The following ESPN variants were observed in gnomAD, a reference collection of about 807,000 sequenced individuals.
ESPN encodes the protein espin, also known as autosomal recessive deafness type 36 protein.
ESPN carries 68 observed loss-of-function variants against 77.7 expected under a neutral mutation model. The ratio of observed to expected loss-of-function variants is 0.87; its 90% CI spans 0.72 to 1.07. ESPN has a LOEUF of 1.07. Ranked by LOEUF, ESPN falls within the 50% of genes least tolerant of loss-of-function variation. ESPN has a pLI of 0.00. For synonymous variants in ESPN, 449 were observed against 567.1 expected, an observed-to-expected ratio of 0.79 and a Z score of 2.96; for missense variants, 1,060 against 1,239.0, an observed-to-expected ratio of 0.86 and a Z score of 2.17.
chr1:6,455,406 G>C (rs1424334009), intron 10 of ESPN: 1 of 391,104 alleles, frequency 2.6e-6, no homozygotes, highest in Admixed American at 4.5e-5. Context: ...GGGGCTGGAG[G>C]CCACGGACGC....
downstream of ESPN, chr1:6,461,188 C>T (rs1644160136): frequency 1.4e-6 from 1 of 711,406 alleles, no homozygotes; most frequent in East Asian, 2.7e-5. This position sits in a 1 kb window ranked among gnomAD's most constrained non-coding sequence, Gnocchi z 6.3. Flanking sequence ...AGATTTAATA[C>T]CGCGATCTCA....
intron 2 of ESPN, among the ~76,000 whole-genome samples, chr1:6,433,511 G>A (rs1643325628): frequency 6.6e-6 from 1 of 151,954 alleles, no homozygotes. Context: ...GGAGGCTGAG[G>A]CATGAGAATC....
chr1:6,455,598 CT>C (rs1010205271), intron 10 of ESPN: 1 of 399,310 alleles, frequency 2.5e-6, no homozygotes. Flanking sequence ...CCTGCCGCCC[CT>C]GGACGGCGGC....
chr1:6,440,545 GGGCCACGGAGGTACAGGGGGC>G (rs1224423141), intron 3 of ESPN, 60 bp from the exon 4 acceptor site: 66 of 741,170 alleles, frequency 8.9e-5, no homozygotes, highest in African/African-American at 2.2e-4. Flanking sequence ...GGGCGGGGGC[GGGCCACGGAGGTACAGGGGGC>G]GGGCCTACAG....
intron 10 of ESPN, chr1:6,455,080 T>TG: frequency 2.6e-6 from 1 of 383,788 alleles, no homozygotes; most frequent in Admixed American, 4.5e-5. Context: ...GAGGACTACG[T>TG]GGCGGCCCGC....
Position 6,451,554 on chromosome 1 carries a change from G to A in ESPN, c.1916-49G>A. On this transcript the variant is annotated intron_variant, in intron 8 of 12. Transcript: ENST00000645284. This position sits in a 1 kb window ranked among gnomAD's most constrained non-coding sequence, Gnocchi z 4.3. ...GCAGAGGGGCGGGTGAGGGGTGGCG[G>A]GGATGCAGCCCCACCCTGGCCAGTG... The A allele has an allele frequency of 1.3e-6, 2 of 1,596,222 alleles. No individual in the cohort carries two copies. Among genetic ancestry groups the A allele is most frequent in the Non-Finnish European group, 1.7e-6 (2 of 1,171,190 alleles).
Position 6,440,455 on chromosome 1 carries a change from C to T in ESPN, c.675+15C>T. On this transcript the variant is annotated intron_variant, in intron 3 of 12. Transcript: ENST00000645284. ...TCGTGTGGTTGGTGAGCTCCGGGCC[C>T]GGGCGGGGAGCAGGGGAGGCGGGGC... The T allele has an allele frequency of 6.5e-7, 1 of 1,529,124 alleles. No homozygotes were observed. The highest frequency in any genetic ancestry group is 8.8e-7 in the Non-Finnish European group (1 of 1,141,106). 94.7% of individuals were successfully genotyped at this position (1,529,124 alleles called of 1,614,324 possible). A position where few individuals can be genotyped will look rare whatever the true frequency, so the allele number is the denominator to read the frequency against.
rs1294722932 is a variant in ESPN, at chr1:6,425,072, C to G, written c.117C>G (p.Pro39=). ...TGCGCGACCCGCTGGACGCGCTGCC[C>G]GTGCACCACGCGGCCCGCGCTGGGA... ...PSLRDPLDAL[P]VHHAARAGKL... is the part of the protein sequence containing the mutation. Residue 39 remains proline (P), a synonymous_variant, in exon 1 of 13, where the codon CCC becomes CCG. Transcript: ENST00000645284. 2.7e-6 allele frequency: 4 copies of G among 1,486,372 alleles called. No homozygotes were observed. Among genetic ancestry groups the G allele is most frequent in the East Asian group, 2.8e-5 (1 of 35,586 alleles). 92.1% of individuals were successfully genotyped at this position (1,486,372 alleles called of 1,614,324 possible).
At chr1:6,440,473 G>C in intron 3 of ESPN, 33 bp downstream of exon 3, 1 of 1,506,440 alleles carries the variant, frequency 6.6e-7, no homozygotes, top group South Asian at 1.2e-5. Context: ...GAGCAGGGGA[G>C]GCGGGGCGGA....
intron 2 of ESPN, among the ~76,000 whole-genome samples, chr1:6,436,526 G>A (rs1258400221): frequency 7.1e-6 from 1 of 141,466 alleles, no homozygotes; most frequent in Non-Finnish European, 1.5e-5. Context: ...TATTTTAGAG[G>A]CAGGATCTTG....
chr1:6,444,496 G>A lies in ESPN; in HGVS notation c.1006G>A (p.Val336Met), dbSNP rs372386484. 1.2e-5 allele frequency: 19 copies of A among 1,614,084 alleles called. No homozygotes were observed. In the African/African-American group the frequency reaches 1.5e-4, roughly 12 times the overall value. The change falls in exon 6 of 13, where the codon GTG (valine) becomes ATG (methionine). Residue 336 changes from valine (V) to methionine (M), a missense_variant. Physicochemically the swap from Val to Met is conservative, Grantham distance 21. Coordinates refer to ENST00000645284, the MANE Select transcript of ESPN (RefSeq NM_031475.3). ...TVENLSVEHR[V>M]LSRDPSAELE... Reference sequence around the variant, plus strand: ...TCCCCTTCAGAGCGTGGAGCACCGCGTGCTTTCCCGGGATCCATCCGCAGA... The same window carrying A: ...TCCCCTTCAGAGCGTGGAGCACCGCATGCTTTCCCGGGATCCATCCGCAGA...
At chr1:6,456,450 A>G in intron 10 of ESPN, 1 of 302,568 alleles carries the variant, frequency 3.3e-6, no homozygotes, top group Non-Finnish European at 6.0e-6. Context: ...GGCCTTGCTG[A>G]GCTCTGTGTG....
chr1:6,426,542 A>C (rs1643041256), intron 1 of ESPN, among the ~76,000 whole-genome samples: 1 of 152,146 alleles, frequency 6.6e-6, no homozygotes, highest in Admixed American at 6.5e-5. Flanking sequence ...AAGCTGCTTT[A>C]GGGTGTGGTC....
At chr1:6,459,783 T>A (rs779137324) in intron 12 of ESPN, among the ~76,000 whole-genome samples, 41 of 152,184 alleles carry the variant, frequency 2.7e-4, no homozygotes, top group Admixed American at 7.2e-4. Context: ...TAATCCAGCC[T>A]TAACCTCCCA....
At chr1:6,439,590 A>G (rs1643546723) in intron 2 of ESPN, among the ~76,000 whole-genome samples, 1 of 152,204 alleles carries the variant, frequency 6.6e-6, no homozygotes. Context: ...GAGGAGAAGG[A>G]CATTCCAGAT....
chr1:6,451,546 G>A lies in ESPN; in HGVS notation c.1916-57G>A. The A allele has an allele frequency of 6.3e-7, 1 of 1,586,678 alleles. No individual in the cohort carries two copies. On this transcript the variant is annotated intron_variant, in intron 8 of 12. Coordinates refer to ENST00000645284, the MANE Select transcript of ESPN (RefSeq NM_031475.3). The surrounding 1 kb of genome is among the most constrained non-coding windows in gnomAD (Gnocchi z 4.3). ...AAGGGGCTGCAGAGGGGCGGGTGAG[G>A]GGTGGCGGGGATGCAGCCCCACCCT...
rs559238305 is a variant in ESPN at position 6,452,244 on chromosome 1, G to A, written c.2325+148G>A. ...TCTTGAGACAGAGTCTTGCTCTGTCGCCCAGGCTGGAGTGCAGTGGTGCGA... is the reference window on the plus strand; with the variant it reads ...TCTTGAGACAGAGTCTTGCTCTGTCACCCAGGCTGGAGTGCAGTGGTGCGA... On this transcript the variant is annotated intron_variant, in intron 10 of 12. Coordinates refer to ENST00000645284, the MANE Select transcript of ESPN (RefSeq NM_031475.3). 775 of 1,025,120 alleles carry A rather than the reference G, an allele frequency of 7.6e-4. 13 individuals carry two copies. The South Asian group carries it at 0.012, about 15-fold the overall frequency. The allele number at this position is 1,025,120 out of a possible 1,614,324, so 63.5% of individuals were successfully genotyped here.
rs193082295 is a variant in ESPN at position 6,449,440 on chromosome 1, G to T, written c.1915+349G>T. On this transcript the variant is annotated intron_variant, in intron 8 of 12. Transcript: ENST00000645284. Reference sequence around the variant, plus strand: ...GCTCTGGCGCTGGTGTTTCCCATGAGCTGGTGCTGGTGTTTCTGATGAGCT... The same window carrying T: ...GCTCTGGCGCTGGTGTTTCCCATGATCTGGTGCTGGTGTTTCTGATGAGCT... Among the ~76,000 whole-genome samples, 16 of 152,308 alleles carry T rather than the reference G, an allele frequency of 1.1e-4. No homozygotes were observed. The South Asian group carries it at 2.9e-3, about 28-fold the overall frequency.
rs1355349916 is a variant in ESPN, at chr1:6,427,985, G to A, written c.295-241G>A. 6.6e-6 allele frequency among the ~76,000 whole-genome samples: 1 copy of A among 152,016 alleles called. No individual in the cohort carries two copies. The highest frequency in any genetic ancestry group is 1.5e-5 in the Non-Finnish European group (1 of 67,984). ...CCTGCAGCCTCTGAAAACCCTGCAC[G>A]GTGCTGCCTATTGGCTACGGTTCAG... On this transcript the variant is annotated intron_variant, in intron 1 of 12. Coordinates refer to ENST00000645284, the MANE Select transcript of ESPN (RefSeq NM_031475.3). This position sits in a 1 kb window ranked among gnomAD's most constrained non-coding sequence, Gnocchi z 4.6.
Sources: gnomAD v4.1 joint callset for allele counts (sites outside exome capture counted in the v4.1 genomes callset) on GRCh38, gnomAD v4.1.1 for gene constraint, Gnocchi (gnomAD v3.1) non-coding constraint, MANE v1.5 for transcripts, NCBI Gene and HGNC (gene_info 2026-07-23, HGNC 2026-07-21) for gene names.